The following MYO9A variants were observed in gnomAD, a reference collection of about 807,000 sequenced individuals.
MYO9A encodes myosin IXA, also known as unconventional myosin-IXa.
A neutral mutation model predicts 293.3 loss-of-function variants in MYO9A; 103 were observed. That is an observed-to-expected ratio of 0.35 (90% CI 0.30 to 0.41). The LOEUF (loss-of-function observed/expected upper bound fraction) is 0.41. MYO9A is among the 10% of genes least tolerant of loss of function. The probability of loss-of-function intolerance (pLI) is 1.00; values close to 1 mark genes in which losing one functional copy is unlikely to be tolerated. For synonymous variants in MYO9A, 1,001 were observed against 1,035.7 expected, an observed-to-expected ratio of 0.97 and a Z score of 0.64; for missense variants, 2,685 against 3,033.0, an observed-to-expected ratio of 0.89 and a Z score of 2.69.
intron 1 of MYO9A, among the ~76,000 whole-genome samples, chr15:72,064,563 GGTAATTACACCAGT>G (rs1415594872): frequency 6.6e-6 from 1 of 152,088 alleles, no homozygotes; most frequent in African/African-American, 2.4e-5. Context: ...TATTTTTGGT[GGTAATTACACCAGT>G]GTATACCATT....
At chr15:72,109,922 C>CA (rs1157018066) in intron 1 of MYO9A, among the ~76,000 whole-genome samples, 3 of 147,232 alleles carry the variant, frequency 2.0e-5, no homozygotes, top group African/African-American at 2.5e-5. Flanking sequence ...ATAAATAAGG[C>CA]AAAAAAAATC....
At chr15:72,099,285 CAA>C (rs1367342543) in intron 1 of MYO9A, among the ~76,000 whole-genome samples, 2 of 151,884 alleles carry the variant, frequency 1.3e-5, no homozygotes, top group African/African-American at 4.8e-5. Flanking sequence ...CTAAAAAATA[CAA>C]AAGTCAGCTA....
In MYO9A at chr15:71,825,876, C is replaced by T. The variant is rs2054460990; in HGVS notation, c.*704G>A. 1 of 152,038 alleles carries T rather than the reference C, an allele frequency of 6.6e-6. No individual in the cohort carries two copies. The highest frequency in any genetic ancestry group is 2.4e-5 in the African/African-American group (1 of 41,382). 9.4% of individuals were successfully genotyped at this position (152,038 alleles called of 1,614,324 possible). Reference sequence around the variant, plus strand: ...AGGAACTAAACAGGAGTTAAACCAGCACTGATTACTATGACATCAAACATC... The same window carrying T: ...AGGAACTAAACAGGAGTTAAACCAGTACTGATTACTATGACATCAAACATC... On this transcript the variant is annotated 3_prime_UTR_variant, in exon 42 of 42. Coordinates refer to ENST00000356056, the MANE Select transcript of MYO9A (RefSeq NM_006901.4).
intron 15 of MYO9A, among the ~76,000 whole-genome samples, chr15:71,949,706 C>CA (rs1416917256): frequency 6.7e-6 from 1 of 150,034 alleles, no homozygotes; most frequent in Non-Finnish European, 1.5e-5. Flanking sequence ...CCTGCATACT[C>CA]ACAGCAGTCG....
chr15:71,843,320 T>C (rs2055245231), intron 39 of MYO9A, among the ~76,000 whole-genome samples: 1 of 152,130 alleles, frequency 6.6e-6, no homozygotes, highest in South Asian at 2.1e-4. Context: ...TCTCAGCTAC[T>C]TGGAAAGCTG....
At position 71,941,654 on chromosome 15, in the gene MYO9A, A is replaced by G. The variant is rs566384684; in HGVS notation, c.2303-2727T>C. On this transcript the variant is annotated intron_variant, in intron 15 of 41. Coordinates refer to ENST00000356056, the MANE Select transcript of MYO9A (RefSeq NM_006901.4). ...TTTCTAAATTTGATGAAAAACAATG[A>G]AAGTCCAAAAGGTACAGCAAATCCC... Among the ~76,000 whole-genome samples, 10 of 152,336 alleles carry G rather than the reference A, an allele frequency of 6.6e-5. No individual in the cohort carries two copies. The East Asian group carries it at 7.7e-4, about 12-fold the overall frequency.
At chr15:72,101,872 G>C (rs2080350713) in intron 1 of MYO9A, among the ~76,000 whole-genome samples, 1 of 151,368 alleles carries the variant, frequency 6.6e-6, no homozygotes, top group African/African-American at 2.4e-5. Context: ...AGGTGGGGGG[G>C]TCAGCCCCCG....
intron 1 of MYO9A, among the ~76,000 whole-genome samples, chr15:72,056,362 G>A (rs1219262855): frequency 3.3e-5 from 5 of 152,148 alleles, no homozygotes; most frequent in African/African-American, 1.2e-4. Context: ...ATCAATGAGT[G>A]GATAAAGAAA....
At chr15:72,091,045 A>C (rs1267326719) in intron 1 of MYO9A, among the ~76,000 whole-genome samples, 1 of 151,634 alleles carries the variant, frequency 6.6e-6, no homozygotes, top group Non-Finnish European at 1.5e-5. Context: ...AAAAAATTTA[A>C]AAATCTACCC....
intron 12 of MYO9A, among the ~76,000 whole-genome samples, chr15:71,975,326 G>C (rs1175533925): frequency 7.3e-6 from 1 of 137,722 alleles, no homozygotes; most frequent in East Asian, 2.0e-4. Flanking sequence ...GTGTGTGTAG[G>C]TTTTCGTCCA....
chr15:72,064,577 T>C (rs1194092017), intron 1 of MYO9A, among the ~76,000 whole-genome samples: 1 of 152,250 alleles, frequency 6.6e-6, no homozygotes, highest in African/African-American at 2.4e-5. Flanking sequence ...ATTACACCAG[T>C]GTATACCATT....
At position 72,009,790 on chromosome 15, in the gene MYO9A, A is replaced by G. The variant is rs186926704; in HGVS notation, c.1253+560T>C. On this transcript the variant is annotated intron_variant, in intron 7 of 41. Transcript: ENST00000356056. ...CCCTTCAAAAAAGTTATAAGTAACT[A>G]TTTCTTTCTGGTGAGAGCCAAGGTT... 2.7e-4 allele frequency among the ~76,000 whole-genome samples: 41 copies of G among 152,300 alleles called. No individual in the cohort carries two copies. The East Asian group carries it at 7.9e-3, about 29-fold the overall frequency.
chr15:71,832,797 T>C (rs962312401), intron 39 of MYO9A, among the ~76,000 whole-genome samples: 2 of 152,192 alleles, frequency 1.3e-5, no homozygotes, highest in African/African-American at 4.8e-5. Context: ...TAAAACATAA[T>C]AGCGATGTGT....
At chr15:71,946,992 C>T (rs1389924504) in intron 15 of MYO9A, among the ~76,000 whole-genome samples, 1 of 152,158 alleles carries the variant, frequency 6.6e-6, no homozygotes, top group East Asian at 1.9e-4. Context: ...TGGCATGCAC[C>T]TGTAGACCTA....
At chr15:71,953,506 C>T (rs1184875742) in intron 14 of MYO9A, 2 of 152,180 alleles carry the variant, frequency 1.3e-5, no homozygotes, top group Non-Finnish European at 2.9e-5. Context: ...TATTAAAATA[C>T]ACTAATTTAT....
At chr15:72,040,098 T>G (rs2078180520) in intron 2 of MYO9A, 1 of 153,228 alleles carries the variant, frequency 6.5e-6, no homozygotes, top group African/African-American at 2.4e-5. Flanking sequence ...AACATAGCCC[T>G]GCCTGGGCCA....
chr15:71,981,971 A>G (rs887482274), intron 11 of MYO9A, among the ~76,000 whole-genome samples: 3 of 102,756 alleles, frequency 2.9e-5, no homozygotes, highest in African/African-American at 1.2e-4. Flanking sequence ...GGTACAATAT[A>G]TTTTCTAATT....
rs116457271 is a variant in MYO9A at position 72,026,758 on chromosome 15, C to T, written c.998+973G>A. ...AATCAAATTCAGGAGTGAATGAAAG[C>T]GGAACATTACTACCAATCTTACATA... On this transcript the variant is annotated intron_variant, in intron 4 of 41. Transcript: ENST00000356056. 5.7e-3 allele frequency among the ~76,000 whole-genome samples: 861 copies of T among 151,968 alleles called. 12 individuals are homozygous for T. The highest frequency in any genetic ancestry group is 0.02 in the African/African-American group (813 of 41,472).
chr15:71,876,553 A>G (rs761525272), intron 31 of MYO9A, among the ~76,000 whole-genome samples: 9 of 145,934 alleles, frequency 6.2e-5, no homozygotes, highest in Non-Finnish European at 1.3e-4. Context: ...CTCCTGTCTC[A>G]GCCTCCCAAG....
Sources: gnomAD v4.1 joint callset for allele counts (sites outside exome capture counted in the v4.1 genomes callset) on GRCh38, gnomAD v4.1.1 for gene constraint, MANE v1.5 for transcripts, NCBI Gene and HGNC (gene_info 2026-07-23, HGNC 2026-07-21) for gene names.